FAM110B: variants seen among roughly 807,000 people sequenced by gnomAD.
FAM110B encodes the protein family with sequence similarity 110 member B.
Under a neutral mutation model 20.4 loss-of-function variants are expected in FAM110B, and 6 were observed. The observed-to-expected ratio is 0.29, with a 90% CI of 0.16 to 0.58. The LOEUF is 0.58. Ranked by LOEUF, FAM110B falls within the 20% of genes least tolerant of loss-of-function variation. FAM110B has a pLI of 0.90. For missense variants in FAM110B, 434 were observed against 498.2 expected (o/e 0.87, Z 1.23); for synonymous variants, 226 against 214.1 (o/e 1.06, Z -0.49).
At chr8:57,995,729 C>A (rs1358421358) in intron 1 of FAM110B, among the ~76,000 whole-genome samples, 1 of 152,210 alleles carries the variant, frequency 6.6e-6, no homozygotes, top group African/African-American at 2.4e-5. Flanking sequence ...TTAACCCTTT[C>A]AAGTTGTTAT....
In FAM110B at chr8:58,051,509, T is replaced by C. The variant is rs112410164; in HGVS notation, c.-414+19806T>C. Among the ~76,000 whole-genome samples the C allele has an allele frequency of 6.5e-3, 983 of 152,240 alleles. 21 individuals carry two copies. The highest frequency in any genetic ancestry group is 0.023 in the African/African-American group (945 of 41,556). On this transcript the variant is annotated intron_variant, in intron 2 of 3. Transcript: ENST00000519262. ...AAAGACTGGGGAAGTCTAAGCAAGC[T>C]ATAAGACAAAATCAGGCTGCTTGTT...
chr8:58,141,830 C>G (rs1411889492), intron 3 of FAM110B, among the ~76,000 whole-genome samples: 1 of 152,196 alleles, frequency 6.6e-6, no homozygotes, highest in South Asian at 2.1e-4. Flanking sequence ...GGCTCCTTTC[C>G]GAAGGCCACA....
At chr8:58,058,534 G>A (rs1805593410) in intron 2 of FAM110B, among the ~76,000 whole-genome samples, 1 of 152,038 alleles carries the variant, frequency 6.6e-6, no homozygotes, top group South Asian at 2.1e-4. Context: ...TTAAAATAAG[G>A]CCTATATATG....
intron 2 of FAM110B, among the ~76,000 whole-genome samples, chr8:58,039,230 A>T (rs1805152061): frequency 6.6e-6 from 1 of 152,094 alleles, no homozygotes; most frequent in South Asian, 2.1e-4. Context: ...AGAACCTCCT[A>T]TGTTTGGGTT....
intron 1 of FAM110B, among the ~76,000 whole-genome samples, chr8:58,026,563 C>T (rs1804859825): frequency 1.3e-5 from 2 of 152,010 alleles, no homozygotes; most frequent in African/African-American, 2.4e-5. Flanking sequence ...ATAAGCCTGT[C>T]TTATGGGTGG....
At chr8:58,001,786 C>T (rs551606968) in intron 1 of FAM110B, among the ~76,000 whole-genome samples, 27 of 152,110 alleles carry the variant, frequency 1.8e-4, no homozygotes, top group Admixed American at 7.9e-4. Flanking sequence ...TTCATTTTAC[C>T]AGATGGTATT....
At chr8:58,100,890 C>G (rs1806762377) in intron 3 of FAM110B, 1 of 152,228 alleles carries the variant, frequency 6.6e-6, no homozygotes. Context: ...AACTGGTTTT[C>G]TGGCCGGGCG....
At chr8:58,018,440 A>G (rs1804679921) in intron 1 of FAM110B, among the ~76,000 whole-genome samples, 2 of 152,212 alleles carry the variant, frequency 1.3e-5, no homozygotes, top group South Asian at 2.1e-4. Context: ...TAGAGTTTGC[A>G]TGGTATATAT....
At chr8:58,045,055 G>T (rs901524351) in intron 2 of FAM110B, among the ~76,000 whole-genome samples, 18 of 152,228 alleles carry the variant, frequency 1.2e-4, no homozygotes, top group African/African-American at 4.1e-4. Context: ...TTAAAAATTA[G>T]TGGAGTGGAA....
chr8:58,059,008 A>T (rs1165052167), intron 2 of FAM110B, among the ~76,000 whole-genome samples: 1 of 152,058 alleles, frequency 6.6e-6, no homozygotes, highest in Non-Finnish European at 1.5e-5. Context: ...TATAATCGTG[A>T]GTTAGTTGTA....
intron 3 of FAM110B, among the ~76,000 whole-genome samples, chr8:58,077,627 G>A (rs1260090751): frequency 2.6e-5 from 4 of 152,164 alleles, no homozygotes; most frequent in Non-Finnish European, 2.9e-5. Context: ...CAAGGCAGTG[G>A]GGGTATAGGG....
intron 3 of FAM110B, among the ~76,000 whole-genome samples, chr8:58,114,268 A>G (rs1001722188): frequency 6.6e-6 from 1 of 152,220 alleles, no homozygotes; most frequent in Non-Finnish European, 1.5e-5. Context: ...ACTAGAAGCC[A>G]CAGTTGCTAT....
chr8:58,134,890 T>C (rs1018528903), intron 3 of FAM110B, among the ~76,000 whole-genome samples: 4 of 152,174 alleles, frequency 2.6e-5, no homozygotes, highest in African/African-American at 4.8e-5. Context: ...AAATCAAGGC[T>C]TTTTTTCGTC....
chr8:58,034,316 C>T (rs1439753780), intron 2 of FAM110B, among the ~76,000 whole-genome samples: 1 of 152,200 alleles, frequency 6.6e-6, no homozygotes, highest in Non-Finnish European at 1.5e-5. Flanking sequence ...TGAGTTCCTT[C>T]AGGAAAACTT....
At chr8:58,082,941 T>C (rs1806236936) in intron 3 of FAM110B, among the ~76,000 whole-genome samples, 1 of 151,246 alleles carries the variant, frequency 6.6e-6, no homozygotes, top group Admixed American at 6.6e-5. Flanking sequence ...CCTAGGAGTT[T>C]GTGGCTTCAG....
intron 3 of FAM110B, among the ~76,000 whole-genome samples, chr8:58,121,219 G>T (rs1221497572): frequency 6.6e-6 from 1 of 152,182 alleles, no homozygotes; most frequent in African/African-American, 2.4e-5. Context: ...GAGGCCCATT[G>T]ATCTCTGTTG....
At chr8:58,020,335 T>C (rs1804726138) in intron 1 of FAM110B, among the ~76,000 whole-genome samples, 1 of 152,226 alleles carries the variant, frequency 6.6e-6, no homozygotes. Flanking sequence ...TATTTTCCCA[T>C]TTTAAATGTA....
chr8:58,132,684 C>T (rs1365361837), intron 3 of FAM110B, among the ~76,000 whole-genome samples: 4 of 152,268 alleles, frequency 2.6e-5, no homozygotes, highest in African/African-American at 4.8e-5. Context: ...TGCTGACAGG[C>T]GGCCAACAAA....
At chr8:58,133,326 G>C (rs551664613) in intron 3 of FAM110B, among the ~76,000 whole-genome samples, 1 of 151,942 alleles carries the variant, frequency 6.6e-6, no homozygotes, top group East Asian at 1.9e-4. Context: ...TTGGGGCAAA[G>C]GCACATCCTG....
Sources: allele counts gnomAD v4.1 joint callset (sites outside exome capture counted in the v4.1 genomes callset), GRCh38; gene constraint gnomAD v4.1.1; transcripts MANE v1.5; gene names NCBI Gene and HGNC (gene_info 2026-07-23, HGNC 2026-07-21).